Variants in MYH15 observed in about 807,000 individuals in gnomAD.
The protein encoded by MYH15 is myosin heavy chain 15.
In MYH15, 227 loss-of-function variants were observed where a neutral mutation model predicts 240.5. That is an observed-to-expected ratio of 0.94 (90% CI 0.85 to 1.05). MYH15 has a LOEUF of 1.05. Ranked by LOEUF, MYH15 falls within the 50% of genes least tolerant of loss-of-function variation. The pLI is 0.00. For synonymous variants in MYH15, 785 were observed against 796.7 expected (o/e 0.99, Z 0.25); for missense variants, 2,217 against 2,247.5 (o/e 0.99, Z 0.27).
intron 29 of MYH15, among the ~76,000 whole-genome samples, chr3:108,415,166 T>C (rs1331837011): frequency 6.6e-6 from 1 of 152,190 alleles, no homozygotes; most frequent in African/African-American, 2.4e-5. Context: ...TAAATGGTGA[T>C]CTGGCTAACC....
intron 40 of MYH15, among the ~76,000 whole-genome samples, chr3:108,382,482 G>A (rs1447235956): frequency 1.3e-5 from 2 of 152,088 alleles, no homozygotes; most frequent in Non-Finnish European, 2.9e-5. Context: ...TAGTAATTCA[G>A]TTAGGGCCTG....
chr3:108,531,441 G>A (rs558236126), upstream of MYH15, among the ~76,000 whole-genome samples: 19 of 152,148 alleles, frequency 1.2e-4, no homozygotes, highest in East Asian at 1.9e-3. Context: ...GGTGTAAATC[G>A]CCTGCTGGGC....
chr3:108,403,651 A>C (rs181661219), intron 33 of MYH15, among the ~76,000 whole-genome samples: 8 of 152,232 alleles, frequency 5.3e-5, no homozygotes, highest in Non-Finnish European at 1.0e-4. Flanking sequence ...GATATTTTGT[A>C]AGATAAGCTC....
At chr3:108,420,712 A>C (rs980039057) in intron 28 of MYH15, among the ~76,000 whole-genome samples, 1 of 152,218 alleles carries the variant, frequency 6.6e-6, no homozygotes, top group African/African-American at 2.4e-5. Flanking sequence ...AGAGATGTAG[A>C]TTCATTATCC....
chr3:108,381,161 C>T lies in MYH15; in HGVS notation c.*384G>A, dbSNP rs972969117. On this transcript the variant is annotated 3_prime_UTR_variant, in exon 41 of 41. Transcript: ENST00000693548. ...TTGCCTAACTTTAGTAAAAACCATT[C>T]ACCAACATGCCCTAGTCCCCATGAA... The T allele has an allele frequency of 1.5e-5, 3 of 203,354 alleles. No individual in the cohort carries two copies. The highest frequency in any genetic ancestry group is 3.0e-5 in the Non-Finnish European group (3 of 101,036). The allele number at this position is 203,354 out of a possible 1,614,324, so 12.6% of individuals were successfully genotyped here.
intron 30 of MYH15, among the ~76,000 whole-genome samples, chr3:108,413,297 T>A (rs1213605040): frequency 1.3e-5 from 2 of 152,226 alleles, no homozygotes; most frequent in Admixed American, 6.5e-5. Flanking sequence ...AAAGCCCTTT[T>A]TAAGTTACTG....
intron 21 of MYH15, 48 bp from the exon 22 acceptor site, chr3:108,444,943 A>T (rs772497753): frequency 5.6e-5 from 86 of 1,535,896 alleles, no homozygotes; most frequent in Non-Finnish European, 7.4e-5. Flanking sequence ...TGACTATAGG[A>T]GAATTAGTTC....
intron 35 of MYH15, among the ~76,000 whole-genome samples, chr3:108,395,094 C>T (rs1412486593): frequency 6.6e-6 from 1 of 151,924 alleles, no homozygotes; most frequent in East Asian, 1.9e-4. Context: ...GGTGAAACCC[C>T]GTCTCTACCA....
intron 25 of MYH15, 45 bp from the exon 26 acceptor site, chr3:108,430,967 A>G (rs1169139980): frequency 7.4e-7 from 1 of 1,357,454 alleles, no homozygotes; most frequent in Non-Finnish European, 1.0e-6. Context: ...GAATAATAAC[A>G]TTTTGTTTAA....
chr3:108,435,834 GTA>G (rs1236683257), intron 25 of MYH15, among the ~76,000 whole-genome samples: 2 of 132,632 alleles, frequency 1.5e-5, no homozygotes, highest in African/African-American at 2.8e-5. Context: ...ATATGTATAT[GTA>G]TACACACACA....
intron 9 of MYH15, among the ~76,000 whole-genome samples, chr3:108,490,629 T>C (rs959355318): frequency 8.5e-5 from 13 of 152,238 alleles, no homozygotes; most frequent in Non-Finnish European, 1.2e-4. Context: ...ATAAATCAAA[T>C]GCATTATTGC....
At chr3:108,512,344 T>A (rs1412654747), upstream of MYH15, among the ~76,000 whole-genome samples, 1 of 152,134 alleles carries the variant, frequency 6.6e-6, no homozygotes. Context: ...AGGAAAGCAG[T>A]ATTTTGGGAA....
intron 6 of MYH15, among the ~76,000 whole-genome samples, chr3:108,496,716 G>A (rs1405245804): frequency 6.7e-6 from 1 of 150,034 alleles, no homozygotes; most frequent in Admixed American, 6.7e-5. Context: ...TATGAGCAAG[G>A]ATTTCCATAG....
chr3:108,527,311 A>G (rs2083680280), intron 1 of MYH15, among the ~76,000 whole-genome samples: 1 of 152,112 alleles, frequency 6.6e-6, no homozygotes, highest in Admixed American at 6.6e-5. Context: ...CCAGCCCTAC[A>G]AAACAGCCTC....
At chr3:108,386,548 G>T (rs2082385469) in intron 38 of MYH15, among the ~76,000 whole-genome samples, 1 of 151,882 alleles carries the variant, frequency 6.6e-6, no homozygotes, top group African/African-American at 2.4e-5. Flanking sequence ...CCCAACATGG[G>T]AGTCCTTTCT....
At chr3:108,413,223 A>G (rs1357072214) in intron 30 of MYH15, among the ~76,000 whole-genome samples, 1 of 152,226 alleles carries the variant, frequency 6.6e-6, no homozygotes, top group East Asian at 1.9e-4. Flanking sequence ...CAAAGCCAAA[A>G]CTTTCTGTGG....
chr3:108,383,739 TA>T lies in MYH15; in HGVS notation c.5632-11del, dbSNP rs397818948. ...GATTGGCTTGTGTTTCCTATAAAAA[TA>T]AAAAAAAAAAAAAAGAAATCTCCAT... On this transcript the variant is annotated splice_polypyrimidine_tract_variant and intron_variant, in intron 39 of 40. Coordinates refer to ENST00000693548, the MANE Select transcript of MYH15 (RefSeq NM_014981.3). 26,513 of 1,328,222 alleles carry T rather than the reference TA, an allele frequency of 0.02. No homozygotes were observed. Among genetic ancestry groups the T allele is most frequent in the Non-Finnish European group, 0.022 (21,895 of 1,010,192 alleles). 82.3% of individuals were successfully genotyped at this position (1,328,222 alleles called of 1,614,324 possible). A position where few individuals can be genotyped will look rare whatever the true frequency, so the allele number is the denominator to read the frequency against.
At chr3:108,541,036 A>C in the MYH15 span, among the ~76,000 whole-genome samples, 2 of 152,074 alleles carry the variant, frequency 1.3e-5, no homozygotes, top group African/African-American at 2.4e-5. Flanking sequence ...TGAGGGTCAT[A>C]AAGTACTACT....
intron 9 of MYH15, among the ~76,000 whole-genome samples, chr3:108,488,699 G>A (rs2083323907): frequency 1.3e-5 from 2 of 152,072 alleles, no homozygotes; most frequent in African/African-American, 4.8e-5. Context: ...TGGACACTTA[G>A]GTTTTTTCTC....
Sources: allele counts gnomAD v4.1 joint callset (sites outside exome capture counted in the v4.1 genomes callset), GRCh38; gene constraint gnomAD v4.1.1; transcripts MANE v1.5; gene names NCBI Gene and HGNC (gene_info 2026-07-23, HGNC 2026-07-21).